Variants in ISL1 observed in about 807,000 individuals in gnomAD.
The protein encoded by ISL1 is insulin gene enhancer protein ISL-1.
In ISL1, 4 loss-of-function variants were observed where a neutral mutation model predicts 35.3. That is an observed-to-expected ratio of 0.11 (90% CI 0.06 to 0.26). The LOEUF is 0.26. Among genes scored for constraint, ISL1 ranks in the 10% least tolerant of loss-of-function variants. ISL1 has a pLI of 1.00. For missense variants in ISL1, 340 were observed against 472.8 expected (o/e 0.72, Z 2.60); for synonymous variants, 186 against 172.3 (o/e 1.08, Z -0.62).
chr5:51,390,636 CTTTTTCTTTTTTTTTTTTTTTTTTTT>C (rs1747480369), intron 4 of ISL1, among the ~76,000 whole-genome samples: 9 of 74,328 alleles, frequency 1.2e-4, no homozygotes, highest in Non-Finnish European at 2.0e-4. Context: ...TCTTTTCTTT[CTTTTTCTTTTTTTTTTTTTTTTTTTT>C]TTTTTTTTTT....
In ISL1 at chr5:51,384,595, A is replaced by G; in HGVS notation, c.83A>G (p.Tyr28Cys). Residue 28 changes from tyrosine to cysteine, a missense_variant, in exon 2 of 6, where the codon TAT (tyrosine) becomes TGT (cysteine). Tyr to Cys is a radical substitution (Grantham distance 194). This residue lies in a region of ISL1 where 70 missense variants were observed against 130.3 expected (regional missense o/e 0.54). Coordinates refer to ENST00000230658, the MANE Select transcript of ISL1 (RefSeq NM_002202.3). ...VGCGNQIHDQYILRVSPDLEW... is the reference protein window; with the variant it reads ...VGCGNQIHDQCILRVSPDLEW... ...TGCGGCAATCAGATTCACGATCAGT[A>G]TATTCTGAGGGTTTCTCCGGATTTG... is the stretch of plus-strand genomic sequence containing the variant. 1 of 1,614,136 alleles carries G rather than the reference A, an allele frequency of 6.2e-7. No individual in the cohort carries two copies. Among genetic ancestry groups the G allele is most frequent in the African/African-American group, 1.3e-5 (1 of 75,034 alleles).
Position 51,387,816 on chromosome 5 carries a change from A to G in ISL1, c.478+67A>G. 6.3e-7 allele frequency: 1 copy of G among 1,594,676 alleles called. No individual in the cohort carries two copies. The highest frequency in any genetic ancestry group is 1.7e-5 in the Admixed American group (1 of 58,656). On this transcript the variant is annotated intron_variant, in intron 3 of 5. Coordinates refer to ENST00000230658, the MANE Select transcript of ISL1 (RefSeq NM_002202.3). The surrounding 1 kb of genome is among the most constrained non-coding windows in gnomAD (Gnocchi z 4.3). Reference sequence around the variant, plus strand: ...GCCAGCCTGTGTGCCAGCGGCCACAACAACTATGGTAGCTACAGGGGTGGT... The same window carrying G: ...GCCAGCCTGTGTGCCAGCGGCCACAGCAACTATGGTAGCTACAGGGGTGGT...
At position 51,389,152 on chromosome 5, in the gene ISL1, G is replaced by C. The variant is rs1561207475; in HGVS notation, c.479-494G>C. On this transcript the variant is annotated intron_variant, in intron 3 of 5. Coordinates refer to ENST00000230658, the MANE Select transcript of ISL1 (RefSeq NM_002202.3). This position sits in a 1 kb window ranked among gnomAD's most constrained non-coding sequence, Gnocchi z 5.0. ...TATGGCTGTCACTGAAGTGCTCTGC[G>C]TTCCTTTCCCTGGTACCCTCTGTGG... Among the ~76,000 whole-genome samples, 1 of 152,092 alleles carries C rather than the reference G, an allele frequency of 6.6e-6. No homozygotes were observed. The highest frequency in any genetic ancestry group is 1.5e-5 in the Non-Finnish European group (1 of 68,020).
At chr5:51,384,513 G>T in intron 1 of ISL1, 28 bp from the exon 2 acceptor site, 1 of 1,606,194 alleles carries the variant, frequency 6.2e-7, no homozygotes, top group East Asian at 2.2e-5. Flanking sequence ...TAAACGGTTA[G>T]TCAATCATGT....
At chr5:51,390,642 C>CTTTTCTTTTTTTTTTTTT (rs1747483928) in intron 4 of ISL1, among the ~76,000 whole-genome samples, 1 of 40,204 alleles carries the variant, frequency 2.5e-5, no homozygotes, top group East Asian at 8.2e-4. Context: ...CTTTCTTTTT[C>CTTTTCTTTTTTTTTTTTT]TTTTTTTTTT....
chr5:51,383,751 TTC>T, intron 1 of ISL1, 52 bp downstream of exon 1: 2 of 1,516,418 alleles, frequency 1.3e-6, no homozygotes, highest in Non-Finnish European at 1.8e-6. Context: ...TTGTGCGGGG[TTC>T]TCTCTCAGGC....
In ISL1 at chr5:51,393,703, A is replaced by G. The variant is rs1221830700; in HGVS notation, c.*93A>G. 2.8e-5 allele frequency: 23 copies of G among 831,556 alleles called. 1 individual carries two copies. The highest frequency in any genetic ancestry group is 2.2e-4 in the Middle Eastern group (1 of 4,564). The allele number at this position is 831,556 out of a possible 1,614,324, so 51.5% of individuals were successfully genotyped here. ...ACAAAAGTATTTAACGACCCAGTCA[A>G]TGAAAACTGAATCAAGAAATGAATG... On this transcript the variant is annotated 3_prime_UTR_variant, in exon 6 of 6. Coordinates refer to ENST00000230658, the MANE Select transcript of ISL1 (RefSeq NM_002202.3).
chr5:51,385,662 C>T (rs1747326077), intron 2 of ISL1, among the ~76,000 whole-genome samples: 2 of 151,274 alleles, frequency 1.3e-5, no homozygotes, highest in Non-Finnish European at 1.5e-5. Flanking sequence ...GTATCAGAAA[C>T]TTTGTTTTCT....
In ISL1 at chr5:51,389,966, G is replaced by A; in HGVS notation, c.765+34G>A. On this transcript the variant is annotated intron_variant, in intron 4 of 5. Coordinates refer to ENST00000230658, the MANE Select transcript of ISL1 (RefSeq NM_002202.3). This position sits in a 1 kb window ranked among gnomAD's most constrained non-coding sequence, Gnocchi z 5.0. Reference sequence around the variant, plus strand: ...CTCTGGGGCCGGGCAGGGAATGCGAGGGGGAAGGAGACGCAGCGTGCGAGG... The same window carrying A: ...CTCTGGGGCCGGGCAGGGAATGCGAAGGGGAAGGAGACGCAGCGTGCGAGG... The A allele has an allele frequency of 1.2e-6, 2 of 1,608,136 alleles. No homozygotes were observed. Among genetic ancestry groups the A allele is most frequent in the South Asian group, 1.1e-5 (1 of 90,804 alleles).
intron 4 of ISL1, among the ~76,000 whole-genome samples, chr5:51,390,337 A>G (rs1264012476): frequency 1.3e-5 from 2 of 152,180 alleles, no homozygotes; most frequent in Non-Finnish European, 2.9e-5. Flanking sequence ...GGGAGGGATA[A>G]TACCTTGGAT....
chr5:51,388,067 G>C (rs1434220556), intron 3 of ISL1, among the ~76,000 whole-genome samples: 2 of 152,210 alleles, frequency 1.3e-5, no homozygotes, highest in Non-Finnish European at 2.9e-5. Flanking sequence ...TCCAAACCTT[G>C]GCTTGCTGAA....
chr5:51,393,014 G>A (rs1277944444), intron 5 of ISL1, among the ~76,000 whole-genome samples: 2 of 152,196 alleles, frequency 1.3e-5, no homozygotes. Flanking sequence ...TGAGCCTGCT[G>A]AGGAGTTAAT....
At chr5:51,383,732 G>A (rs1747269409) in intron 1 of ISL1, 33 bp downstream of exon 1, 4 of 1,593,910 alleles carry the variant, frequency 2.5e-6, no homozygotes, top group African/African-American at 1.3e-5. Context: ...GGGGCTCGGT[G>A]TGCTGTTCTT....
intron 3 of ISL1, among the ~76,000 whole-genome samples, chr5:51,388,018 A>G (rs1747392359): frequency 6.6e-6 from 1 of 152,254 alleles, no homozygotes; most frequent in South Asian, 2.1e-4. Flanking sequence ...GTACACGTGT[A>G]TACACACGCC....
In ISL1 at chr5:51,394,574, A is replaced by G. The variant is rs1175474499; in HGVS notation, c.*964A>G. 1.3e-5 allele frequency: 2 copies of G among 152,590 alleles called. No homozygotes were observed. The highest frequency in any genetic ancestry group is 2.9e-5 in the Non-Finnish European group (2 of 68,034). The allele number at this position is 152,590 out of a possible 1,614,324, so 9.5% of individuals were successfully genotyped here. A position where few individuals can be genotyped will look rare whatever the true frequency, so the allele number is the denominator to read the frequency against. ...ATTTTTTGTTTGCTGAAGTGAAAAA[A>G]AAAGATAAAGGTTGTACGGTGGTCT... On this transcript the variant is annotated 3_prime_UTR_variant, in exon 6 of 6. Coordinates refer to ENST00000230658, the MANE Select transcript of ISL1 (RefSeq NM_002202.3).
At chr5:51,385,998 A>G (rs1747333344) in intron 2 of ISL1, among the ~76,000 whole-genome samples, 1 of 152,124 alleles carries the variant, frequency 6.6e-6, no homozygotes, top group Non-Finnish European at 1.5e-5. Context: ...GGGGGAGGTT[A>G]ATACTTCGGA....
chr5:51,393,661 T>C lies in ISL1; in HGVS notation c.*51T>C, dbSNP rs1747569902. 1 of 1,160,392 alleles carries C rather than the reference T, an allele frequency of 8.6e-7. No homozygotes were observed. The highest frequency in any genetic ancestry group is 2.3e-5 in the East Asian group (1 of 42,826). The allele number at this position is 1,160,392 out of a possible 1,614,324, so 71.9% of individuals were successfully genotyped here. A position where few individuals can be genotyped will look rare whatever the true frequency, so the allele number is the denominator to read the frequency against. On this transcript the variant is annotated 3_prime_UTR_variant, in exon 6 of 6. Coordinates refer to ENST00000230658, the MANE Select transcript of ISL1 (RefSeq NM_002202.3). ...CCCTGTTGGAGAAAGTGGGAAATTATAATGTCGAACTCTGAAACAAAAGTA... is the reference window on the plus strand; with the variant it reads ...CCCTGTTGGAGAAAGTGGGAAATTACAATGTCGAACTCTGAAACAAAAGTA...
In ISL1 at chr5:51,383,716, C is replaced by T. The variant is rs150104955; in HGVS notation, c.28+17C>T. On this transcript the variant is annotated intron_variant, in intron 1 of 5. Transcript: ENST00000230658. ...CACCAAAAAGTAAGAGGCTATTTTACCTTGTGGGGCTCGGTGTGCTGTTCT... is the reference window on the plus strand; with the variant it reads ...CACCAAAAAGTAAGAGGCTATTTTATCTTGTGGGGCTCGGTGTGCTGTTCT... 0.032 allele frequency: 50,591 copies of T among 1,604,502 alleles called. 997 individuals carry two copies. The highest frequency in any genetic ancestry group is 0.037 in the Non-Finnish European group (43,499 of 1,171,132).
At chr5:51,383,747 G>T (rs1261243902) in intron 1 of ISL1, 48 bp downstream of exon 1, 1 of 1,540,944 alleles carries the variant, frequency 6.5e-7, no homozygotes, top group Non-Finnish European at 9.0e-7. Flanking sequence ...GTTCTTGTGC[G>T]GGGTTCTCTC....
Sources: gnomAD v4.1 joint callset for allele counts (sites outside exome capture counted in the v4.1 genomes callset) on GRCh38, gnomAD v4.1.1 for gene constraint, gnomAD v4.1.1 regional missense constraint, Gnocchi (gnomAD v3.1) non-coding constraint, MANE v1.5 for transcripts, NCBI Gene and HGNC (gene_info 2026-07-23, HGNC 2026-07-21) for gene names.